Variants in IQCH observed in about 807,000 individuals in gnomAD.
IQCH encodes IQ motif containing H, also known as IQ domain-containing protein H.
IQCH carries 98 observed loss-of-function variants against 117.0 expected under a neutral mutation model. The ratio of observed to expected loss-of-function variants is 0.84; its 90% confidence interval spans 0.71 to 0.99. IQCH has a LOEUF of 0.99. Among genes scored for constraint, IQCH ranks in the 50% least tolerant of loss-of-function variants. IQCH has a pLI of 0.00. For missense variants in IQCH, 1,102 were observed against 1,243.8 expected (o/e 0.89, Z 1.72); for synonymous variants, 412 against 448.2 (o/e 0.92, Z 1.02).
intron 15 of IQCH, among the ~76,000 whole-genome samples, chr15:67,418,199 C>T (rs918265579): frequency 5.3e-5 from 8 of 152,092 alleles, no homozygotes; most frequent in African/African-American, 9.7e-5. Context: ...CCAGTAGTTA[C>T]ATTTATCAGG....
chr15:67,313,250 G>A lies in IQCH; in HGVS notation c.388-23725G>A, dbSNP rs151173640. 2.8e-3 allele frequency among the ~76,000 whole-genome samples: 424 copies of A among 152,254 alleles called. 3 individuals carry two copies. The highest frequency in any genetic ancestry group is 9.7e-3 in the African/African-American group (401 of 41,550). On this transcript the variant is annotated intron_variant, in intron 4 of 20. Coordinates refer to ENST00000335894, the MANE Select transcript of IQCH (RefSeq NM_001031715.3). Reference sequence around the variant, plus strand: ...CATGCATGCTTTAGTAGAAAGAGCCGTAGATGGAGAATCAGAGGACTTGGG... The same window carrying A: ...CATGCATGCTTTAGTAGAAAGAGCCATAGATGGAGAATCAGAGGACTTGGG...
At chr15:67,348,034 A>G (rs1408451316) in intron 6 of IQCH, among the ~76,000 whole-genome samples, 1 of 151,832 alleles carries the variant, frequency 6.6e-6, no homozygotes, top group Non-Finnish European at 1.5e-5. Context: ...AAGAAAAACT[A>G]TATAACCATC....
chr15:67,373,781 G>A, intron 10 of IQCH: 1 of 358,758 alleles, frequency 2.8e-6, no homozygotes. Context: ...GCTTGTATGT[G>A]TTGTTGCTGT....
chr15:67,358,175 T>TTTC lies in IQCH; in HGVS notation c.714+754_714+755insTTC, dbSNP rs61424429. On this transcript the variant is annotated intron_variant, in intron 7 of 20. Transcript: ENST00000335894. The stretch of plus-strand genomic sequence containing the variant: ...CGCCTGGCCTTTTTTTTTTTTTTTT[T>TTTC]CTTTTTTAACCATCATGAGGCACTT... 6.5e-3 allele frequency among the ~76,000 whole-genome samples: 492 copies of TTTC among 76,230 alleles called. 5 individuals carry two copies. Among genetic ancestry groups the TTTC allele is most frequent in the Middle Eastern group, 0.03 (2 of 66 alleles). 50.0% of individuals were successfully genotyped at this position (76,230 alleles called of 152,430 possible).
chr15:67,354,496 T>C (rs548487331), intron 6 of IQCH, among the ~76,000 whole-genome samples: 20 of 152,310 alleles, frequency 1.3e-4, no homozygotes, highest in Admixed American at 7.2e-4. Context: ...AAAATACTCT[T>C]AGTAGGGGAA....
At chr15:67,281,403 A>C (rs12899051) in intron 4 of IQCH, among the ~76,000 whole-genome samples, 2 of 152,090 alleles carry the variant, frequency 1.3e-5, no homozygotes, top group Non-Finnish European at 2.9e-5. Context: ...AGAAGCTTAT[A>C]TATCATCTTG....
chr15:67,312,760 G>A (rs569763469), intron 4 of IQCH, among the ~76,000 whole-genome samples: 2 of 152,264 alleles, frequency 1.3e-5, no homozygotes, highest in East Asian at 1.9e-4. Flanking sequence ...AGCAAGTAGT[G>A]TGATAGCATT....
chr15:67,344,940 G>C (rs565684664), intron 6 of IQCH, among the ~76,000 whole-genome samples: 6 of 152,274 alleles, frequency 3.9e-5, no homozygotes, highest in Non-Finnish European at 8.8e-5. Context: ...TAGGAGTAGG[G>C]TGAGAAGTGA....
At chr15:67,340,787 T>C (rs767015903) in intron 5 of IQCH, among the ~76,000 whole-genome samples, 3 of 152,224 alleles carry the variant, frequency 2.0e-5, no homozygotes. Context: ...AATTTATTAA[T>C]GCCATCTGGA....
chr15:67,255,832 C>T (rs1036135887), intron 1 of IQCH, among the ~76,000 whole-genome samples: 2 of 152,138 alleles, frequency 1.3e-5, no homozygotes, highest in African/African-American at 4.8e-5. Context: ...AATACAAGCC[C>T]CTGAACTCAC....
intron 1 of IQCH, among the ~76,000 whole-genome samples, chr15:67,259,908 A>G (rs1053011795): frequency 1.3e-5 from 2 of 152,256 alleles, no homozygotes; most frequent in African/African-American, 2.4e-5. Flanking sequence ...AAGGCCTTAC[A>G]TGACAATTTG....
chr15:67,395,542 T>G lies in IQCH; in HGVS notation c.1884T>G (p.Tyr628Ter), dbSNP rs1197639462. Residue 628 changes from tyrosine to a stop codon, truncating the protein, a stop_gained, in exon 13 of 21, where the codon TAT (tyrosine) becomes TAG (stop). Transcript: ENST00000335894. LOFTEE classifies it high-confidence loss of function. The surrounding 1 kb of genome is among the most constrained non-coding windows in gnomAD (Gnocchi z 4.0). ...ATGTGGCAGTTCCTCCTGGAATATA[T>G]GATATTTATAGTCAGCAACAGGTAT... The part of the protein sequence containing the change: ...SANVAVPPGI[Y>*]DIYSQQQMIE... 6 of 1,613,778 alleles carry G rather than the reference T, an allele frequency of 3.7e-6. No individual in the cohort carries two copies. The highest frequency in any genetic ancestry group is 5.1e-6 in the Non-Finnish European group (6 of 1,179,912).
intron 4 of IQCH, among the ~76,000 whole-genome samples, chr15:67,324,870 A>C (rs1310418528): frequency 6.6e-6 from 1 of 151,864 alleles, no homozygotes; most frequent in Non-Finnish European, 1.5e-5. Flanking sequence ...GGGTTTGATT[A>C]TCATATGCTT....
At chr15:67,344,682 C>T (rs930883408) in intron 6 of IQCH, among the ~76,000 whole-genome samples, 1 of 152,168 alleles carries the variant, frequency 6.6e-6, no homozygotes, top group Non-Finnish European at 1.5e-5. Context: ...ATATTTTATG[C>T]AATTACAATT....
Position 67,323,754 on chromosome 15 carries a change from G to A in IQCH, c.388-13221G>A, listed in dbSNP as rs1409642469. Among the ~76,000 whole-genome samples, 8 of 151,764 alleles carry A rather than the reference G, an allele frequency of 5.3e-5. No individual in the cohort carries two copies. The East Asian group carries it at 7.7e-4, about 15-fold the overall frequency. On this transcript the variant is annotated intron_variant, in intron 4 of 20. Transcript: ENST00000335894. The stretch of plus-strand genomic sequence containing the variant: ...TGACCTCCCAATTTTTTGTGCTATC[G>A]TTATCATCTACTTTACATATATTAT...
chr15:67,410,558 T>C (rs954198555), intron 14 of IQCH, among the ~76,000 whole-genome samples: 1 of 152,230 alleles, frequency 6.6e-6, no homozygotes, highest in Non-Finnish European at 1.5e-5. Flanking sequence ...TTCCTAATAT[T>C]TGATTGGTCT....
intron 14 of IQCH, among the ~76,000 whole-genome samples, chr15:67,400,559 A>T (rs911677544): frequency 1.5e-5 from 2 of 137,850 alleles, no homozygotes; most frequent in Non-Finnish European, 3.0e-5. Flanking sequence ...ATCAGGGCTC[A>T]CTGTAACCTC....
chr15:67,484,672 C>T (rs570844186), intron 18 of IQCH, among the ~76,000 whole-genome samples: 3 of 150,210 alleles, frequency 2.0e-5, no homozygotes, highest in Admixed American at 6.7e-5. Context: ...ACTCAGCAGG[C>T]GGAGGTTGCA....
rs542744288 is a variant in IQCH, at chr15:67,486,028, G to A, written c.2800-3975G>A. 1.6e-4 allele frequency among the ~76,000 whole-genome samples: 22 copies of A among 139,756 alleles called. No homozygotes were observed. The South Asian group carries it at 5.0e-3, about 32-fold the overall frequency. The allele number at this position is 139,756 out of a possible 152,430, so 91.7% of individuals were successfully genotyped here. On this transcript the variant is annotated intron_variant, in intron 18 of 20. Transcript: ENST00000335894. ...CTTCAAATGAGCAATAAGACTGCTA[G>A]CTAAGTTTTCTTTTTTTTTTTTTTT...
Sources: gnomAD v4.1 joint callset for allele counts (sites outside exome capture counted in the v4.1 genomes callset) on GRCh38, gnomAD v4.1.1 for gene constraint, Gnocchi (gnomAD v3.1) non-coding constraint, MANE v1.5 for transcripts, NCBI Gene and HGNC (gene_info 2026-07-23, HGNC 2026-07-21) for gene names.